Variants in DNAJC10 observed in about 807,000 individuals in gnomAD.
The protein encoded by DNAJC10 is endoplasmic reticulum disulfide reductase DNAJC10.
DNAJC10 carries 101 observed loss-of-function variants against 115.0 expected under a neutral mutation model. The ratio of observed to expected loss-of-function variants is 0.88; its 90% confidence interval spans 0.75 to 1.04. DNAJC10 has a LOEUF of 1.04. DNAJC10 is among the 50% of genes least tolerant of loss of function. The probability of loss-of-function intolerance (pLI) is 0.00; values close to 1 mark genes in which losing one functional copy is unlikely to be tolerated. For synonymous variants in DNAJC10, 307 were observed against 301.5 expected (o/e 1.02, Z -0.19); for missense variants, 981 against 928.8 (o/e 1.06, Z -0.73).
At chr2:182,758,450 A>C (rs1378035272) in intron 19 of DNAJC10, among the ~76,000 whole-genome samples, 5 of 152,228 alleles carry the variant, frequency 3.3e-5, no homozygotes, top group African/African-American at 1.2e-4. Context: ...TGAGGAAATT[A>C]TGAAAGGCTG....
At chr2:182,733,056 TGTA>T (rs1485545121) in intron 10 of DNAJC10, among the ~76,000 whole-genome samples, 1 of 152,014 alleles carries the variant, frequency 6.6e-6, no homozygotes, top group East Asian at 1.9e-4. Flanking sequence ...ATATGTTAGG[TGTA>T]GTATTACATT....
rs1240243518 is a variant in DNAJC10, at chr2:182,782,402, C to T, written c.*5270C>T. The stretch of plus-strand genomic sequence containing the variant: ...TAGGATTGCCTTGGCTATATGGGCT[C>T]TTTTTTTTTTGGTTCCATATGAAAT... On this transcript the variant is annotated 3_prime_UTR_variant, in exon 24 of 24. Transcript: ENST00000264065. 4.8e-5 allele frequency: 7 copies of T among 146,438 alleles called. No homozygotes were observed. The highest frequency in any genetic ancestry group is 7.6e-5 in the Non-Finnish European group (5 of 66,212). The allele number at this position is 146,438 out of a possible 1,614,324, so 9.1% of individuals were successfully genotyped here. A position where few individuals can be genotyped will look rare whatever the true frequency, so the allele number is the denominator to read the frequency against.
chr2:182,752,596 C>G (rs577642270), intron 16 of DNAJC10: 1 of 934,772 alleles, frequency 1.1e-6, no homozygotes, highest in Non-Finnish European at 1.3e-6. Context: ...CTTTTGAAAT[C>G]TTTGTTTAAA....
chr2:182,772,279 G>C (rs1463369913), intron 22 of DNAJC10, among the ~76,000 whole-genome samples: 1 of 152,158 alleles, frequency 6.6e-6, no homozygotes, highest in African/African-American at 2.4e-5. Context: ...GTAGTTCTGA[G>C]AAGAATGTAT....
At chr2:182,730,333 A>C (rs1483794356) in intron 8 of DNAJC10, among the ~76,000 whole-genome samples, 4 of 152,180 alleles carry the variant, frequency 2.6e-5, no homozygotes, top group Non-Finnish European at 5.9e-5. Flanking sequence ...TAACTCATTA[A>C]CTGCCTTTAG....
At chr2:182,770,565 C>G (rs1225210100) in intron 22 of DNAJC10, among the ~76,000 whole-genome samples, 3 of 152,068 alleles carry the variant, frequency 2.0e-5, no homozygotes, top group Non-Finnish European at 4.4e-5. Flanking sequence ...GTATTTTATT[C>G]TCTTTGTAGC....
chr2:182,737,850 C>G (rs1040914852), intron 11 of DNAJC10, among the ~76,000 whole-genome samples: 1 of 152,118 alleles, frequency 6.6e-6, no homozygotes, highest in African/African-American at 2.4e-5. Flanking sequence ...TTTTCTCATA[C>G]CTTATAACCA....
At chr2:182,729,773 A>G in intron 7 of DNAJC10, 75 bp from the exon 8 acceptor site, 1 of 925,614 alleles carries the variant, frequency 1.1e-6, no homozygotes. Flanking sequence ...TAAAAATCAA[A>G]CTCTTTGGTA....
chr2:182,775,292 G>A, intron 22 of DNAJC10, 24 bp from the exon 23 acceptor site: 1 of 1,386,982 alleles, frequency 7.2e-7, no homozygotes, highest in Non-Finnish European at 1.0e-6. Context: ...ATACTTAAAA[G>A]ATAACAAGTG....
At chr2:182,756,007 T>C (rs1214984815) in intron 17 of DNAJC10, among the ~76,000 whole-genome samples, 1 of 152,186 alleles carries the variant, frequency 6.6e-6, no homozygotes, top group East Asian at 1.9e-4. Flanking sequence ...ATAATTCACA[T>C]TGGATTTCTT....
chr2:182,719,638 A>G (rs1033953986), intron 3 of DNAJC10, among the ~76,000 whole-genome samples: 1 of 151,990 alleles, frequency 6.6e-6, no homozygotes, highest in African/African-American at 2.4e-5. Context: ...TAACCTACAA[A>G]TGTATTGATT....
At chr2:182,748,646 G>A (rs910794189) in intron 14 of DNAJC10, among the ~76,000 whole-genome samples, 18 of 151,940 alleles carry the variant, frequency 1.2e-4, no homozygotes, top group Middle Eastern at 3.4e-3. Flanking sequence ...TCTTGCTAGC[G>A]GTCTATCAGT....
At chr2:182,718,342 TGATA>T in intron 3 of DNAJC10, 52 bp downstream of exon 3, 1 of 1,399,862 alleles carries the variant, frequency 7.1e-7, no homozygotes. Context: ...TGGTACATTT[TGATA>T]TTTATTTAAA....
At chr2:182,730,350 T>G (rs1693411900) in intron 8 of DNAJC10, among the ~76,000 whole-genome samples, 1 of 152,204 alleles carries the variant, frequency 6.6e-6, no homozygotes, top group South Asian at 2.1e-4. Context: ...TTAGGCAGAT[T>G]AAGCTAATAA....
At chr2:182,739,768 C>T in intron 11 of DNAJC10, 1 of 999,600 alleles carries the variant, frequency 1.0e-6, no homozygotes, top group Non-Finnish European at 1.2e-6. Flanking sequence ...ATGAAAACCT[C>T]TATAATGAGC....
intron 13 of DNAJC10, among the ~76,000 whole-genome samples, chr2:182,742,721 T>C (rs1290166384): frequency 6.6e-6 from 1 of 152,222 alleles, no homozygotes; most frequent in Non-Finnish European, 1.5e-5. Flanking sequence ...TTTCAACTGG[T>C]CGGGGAAAAA....
intron 21 of DNAJC10, among the ~76,000 whole-genome samples, chr2:182,762,295 G>A (rs1187971002): frequency 1.3e-5 from 2 of 152,084 alleles, no homozygotes; most frequent in East Asian, 1.9e-4. Context: ...GAATACAGGT[G>A]GAGTAAGTCA....
At position 182,793,820 on chromosome 2, in the gene DNAJC10, T is replaced by TACACACACACA. The variant is rs1695094313; in HGVS notation, c.*16688_*16689insACACACACACA. On this transcript the variant is annotated 3_prime_UTR_variant, in exon 24 of 24. Coordinates refer to ENST00000264065, the MANE Select transcript of DNAJC10 (RefSeq NM_018981.4). Reference sequence around the variant, plus strand: ...TAAAATTTTCCAGAGAGGAAACACATCACACACACACACACACACACACAC... The same window carrying TACACACACACA: ...TAAAATTTTCCAGAGAGGAAACACATACACACACACACACACACACACACACACACACACAC... 1 of 135,636 alleles carries TACACACACACA rather than the reference T, an allele frequency of 7.4e-6. No individual in the cohort carries two copies. The highest frequency in any genetic ancestry group is 1.5e-5 in the Non-Finnish European group (1 of 64,534). 8.4% of individuals were successfully genotyped at this position (135,636 alleles called of 1,614,324 possible).
intron 23 of DNAJC10, 26 bp from the exon 24 acceptor site, chr2:182,777,095 C>G (rs1694725412): frequency 7.3e-7 from 1 of 1,367,436 alleles, no homozygotes; most frequent in Non-Finnish European, 9.8e-7. Flanking sequence ...TCTCCTTTCT[C>G]TATCGCCTTT....
Sources: allele counts gnomAD v4.1 joint callset (sites outside exome capture counted in the v4.1 genomes callset), GRCh38; gene constraint gnomAD v4.1.1; transcripts MANE v1.5; gene names NCBI Gene and HGNC (gene_info 2026-07-23, HGNC 2026-07-21).